The following ATP8A2 variants were observed in gnomAD, a reference collection of about 807,000 sequenced individuals.
ATP8A2 encodes the protein phospholipid-transporting ATPase IB.
A neutral mutation model predicts 165.6 loss-of-function variants in ATP8A2; 100 were observed. That is an observed-to-expected ratio of 0.60 (90% CI 0.51 to 0.71). The LOEUF is 0.71. ATP8A2 is among the 30% of genes least tolerant of loss of function. ATP8A2 has a pLI of 0.00. For synonymous variants in ATP8A2, 543 were observed against 548.8 expected, an observed-to-expected ratio of 0.99 and a Z score of 0.15; for missense variants, 1,227 against 1,479.5, an observed-to-expected ratio of 0.83 and a Z score of 2.80.
At position 25,589,146 on chromosome 13, in the gene ATP8A2, A is replaced by AC. The variant is rs1200908072; in HGVS notation, c.2147-489_2147-488insC. Reference sequence around the variant, plus strand: ...TTTTTAAAATAACAACCAAAGAAAGATTTTTTTGAAATGTGGATTACTTTA... The same window carrying AC: ...TTTTTAAAATAACAACCAAAGAAAGACTTTTTTTGAAATGTGGATTACTTTA... On this transcript the variant is annotated intron_variant, in intron 23 of 36. Coordinates refer to ENST00000381655, the MANE Select transcript of ATP8A2 (RefSeq NM_016529.6). 2.6e-5 allele frequency among the ~76,000 whole-genome samples: 4 copies of AC among 152,282 alleles called. No homozygotes were observed. The East Asian group carries it at 7.7e-4, about 29-fold the overall frequency.
intron 33 of ATP8A2, among the ~76,000 whole-genome samples, chr13:25,950,388 A>G (rs955509220): frequency 2.0e-4 from 30 of 152,218 alleles, no homozygotes; most frequent in Admixed American, 2.0e-3. Flanking sequence ...AAAATAGGAA[A>G]TTAAAATGAT....
intron 1 of ATP8A2, among the ~76,000 whole-genome samples, chr13:25,391,704 C>T (rs1036201596): frequency 6.6e-6 from 1 of 152,160 alleles, no homozygotes; most frequent in Non-Finnish European, 1.5e-5. Flanking sequence ...TTAGTTTTGG[C>T]CTTTGGAAAA....
At chr13:25,497,372 A>G (rs942445266) in intron 2 of ATP8A2, among the ~76,000 whole-genome samples, 7 of 152,228 alleles carry the variant, frequency 4.6e-5, no homozygotes, top group South Asian at 2.1e-4. Context: ...CTGATTGCCT[A>G]TTAAATTACT....
chr13:25,580,546 A>G (rs978560954), intron 22 of ATP8A2, among the ~76,000 whole-genome samples: 1 of 151,992 alleles, frequency 6.6e-6, no homozygotes, highest in African/African-American at 2.4e-5. Context: ...TTAAATATAG[A>G]GACAGGGTTT....
intron 25 of ATP8A2, among the ~76,000 whole-genome samples, chr13:25,713,003 A>G (rs1315574531): frequency 6.6e-6 from 1 of 152,226 alleles, no homozygotes; most frequent in Non-Finnish European, 1.5e-5. Context: ...TTACTATACC[A>G]TGTCTTCCAT....
At chr13:25,512,959 G>A (rs1235548982) in intron 2 of ATP8A2, among the ~76,000 whole-genome samples, 9 of 135,510 alleles carry the variant, frequency 6.6e-5, no homozygotes, top group African/African-American at 2.4e-4. Flanking sequence ...CGGGTGGGGG[G>A]CTGACCCCCC....
At chr13:25,712,188 C>T (rs375480310) in intron 25 of ATP8A2, among the ~76,000 whole-genome samples, 2 of 152,164 alleles carry the variant, frequency 1.3e-5, no homozygotes, top group African/African-American at 4.8e-5. Flanking sequence ...TTTGCTTCAA[C>T]CAGATGTATT....
intron 24 of ATP8A2, among the ~76,000 whole-genome samples, chr13:25,595,687 A>G (rs1158155176): frequency 1.3e-5 from 2 of 152,178 alleles, no homozygotes; most frequent in African/African-American, 2.4e-5. Context: ...AAGGTTATAT[A>G]TTTTGAACTG....
intron 24 of ATP8A2, among the ~76,000 whole-genome samples, chr13:25,653,440 G>A (rs1289025188): frequency 6.6e-6 from 1 of 152,088 alleles, no homozygotes; most frequent in Admixed American, 6.6e-5. Context: ...ACAGACACTG[G>A]GGCTTACTGG....
chr13:25,470,492 A>G (rs113834771), intron 2 of ATP8A2, among the ~76,000 whole-genome samples: 2,325 of 152,326 alleles, frequency 0.015, 35 homozygotes, highest in Non-Finnish European at 0.025. Flanking sequence ...ATGAAAAACG[A>G]TGGAGCTGCT....
At chr13:26,016,005 T>A (rs577811785) in intron 36 of ATP8A2, among the ~76,000 whole-genome samples, 1 of 152,306 alleles carries the variant, frequency 6.6e-6, no homozygotes, top group Non-Finnish European at 1.5e-5. Flanking sequence ...GGGGTGATGG[T>A]GTCTGGTTTT....
At chr13:25,444,571 T>G (rs1262046374) in intron 1 of ATP8A2, among the ~76,000 whole-genome samples, 1 of 152,192 alleles carries the variant, frequency 6.6e-6, no homozygotes, top group East Asian at 1.9e-4. Context: ...CTTATGGGTG[T>G]GCAGTGATAT....
At position 25,822,369 on chromosome 13, in the gene ATP8A2, C is replaced by T. The variant is rs561487821; in HGVS notation, c.2680-5749C>T. Among the ~76,000 whole-genome samples the T allele has an allele frequency of 9.9e-5, 15 of 152,278 alleles. No individual in the cohort carries two copies. In the East Asian group the frequency reaches 2.9e-3, roughly 29 times the overall value. On this transcript the variant is annotated intron_variant, in intron 27 of 36. Coordinates refer to ENST00000381655, the MANE Select transcript of ATP8A2 (RefSeq NM_016529.6). ...GTCCCTACAGGTGGAATCACTTGTT[C>T]AAACGAAAACTAAATTAAACATATT...
At chr13:25,400,683 G>T (rs2033608948) in intron 1 of ATP8A2, among the ~76,000 whole-genome samples, 1 of 152,176 alleles carries the variant, frequency 6.6e-6, no homozygotes. Flanking sequence ...CATAGGGTGG[G>T]TATTTAAACC....
intron 36 of ATP8A2, 31 bp downstream of exon 36, chr13:26,012,653 A>G: frequency 1.7e-6 from 2 of 1,198,138 alleles, no homozygotes; most frequent in Non-Finnish European, 1.1e-6. Flanking sequence ...CTGATGGAGG[A>G]GTGGGTGTCG....
rs368745975 is a variant in ATP8A2, at chr13:25,664,946, G to T, written c.2212-34227G>T. 1.2e-4 allele frequency among the ~76,000 whole-genome samples: 18 copies of T among 152,162 alleles called. No individual in the cohort carries two copies. The South Asian group carries it at 3.3e-3, about 28-fold the overall frequency. On this transcript the variant is annotated intron_variant, in intron 24 of 36. Coordinates refer to ENST00000381655, the MANE Select transcript of ATP8A2 (RefSeq NM_016529.6). ...CAAATAGTCAAGAAGATCTACACTT[G>T]GGTCCAGAATGTTATAGAATTAAGA...
chr13:25,949,424 C>T (rs933654206), intron 33 of ATP8A2, among the ~76,000 whole-genome samples: 1 of 149,460 alleles, frequency 6.7e-6, no homozygotes, highest in East Asian at 2.2e-4. Context: ...GTTTGGCAAT[C>T]GTTAGGCATC....
At chr13:25,862,023 G>A (rs1385622299) in intron 32 of ATP8A2, among the ~76,000 whole-genome samples, 5 of 152,176 alleles carry the variant, frequency 3.3e-5, no homozygotes, top group Admixed American at 6.5e-5. Flanking sequence ...AGAGGGGCCC[G>A]CTGTTACTAT....
intron 1 of ATP8A2, among the ~76,000 whole-genome samples, chr13:25,402,084 A>G (rs2033655508): frequency 6.6e-6 from 1 of 152,100 alleles, no homozygotes; most frequent in Non-Finnish European, 1.5e-5. Flanking sequence ...ACGACAGTCA[A>G]TCCACCAAGA....
Sources: gnomAD v4.1 joint callset for allele counts (sites outside exome capture counted in the v4.1 genomes callset) on GRCh38, gnomAD v4.1.1 for gene constraint, MANE v1.5 for transcripts, NCBI Gene and HGNC (gene_info 2026-07-23, HGNC 2026-07-21) for gene names.